The following CLSTN1 variants were observed in gnomAD, a reference collection of about 807,000 sequenced individuals.
CLSTN1 encodes the protein calsyntenin 1.
CLSTN1 carries 28 observed loss-of-function variants against 108.3 expected under a neutral mutation model. That is an observed-to-expected ratio of 0.26 (90% CI 0.19 to 0.35). CLSTN1 has a LOEUF of 0.35. Among genes scored for constraint, CLSTN1 ranks in the 10% least tolerant of loss-of-function variants. CLSTN1 has a pLI of 1.00. For synonymous variants in CLSTN1, 524 were observed against 534.9 expected, an observed-to-expected ratio of 0.98 and a Z score of 0.28; for missense variants, 1,157 against 1,302.6, an observed-to-expected ratio of 0.89 and a Z score of 1.72.
At chr1:9,765,412 G>A (rs965418139) in intron 2 of CLSTN1, among the ~76,000 whole-genome samples, 7 of 151,652 alleles carry the variant, frequency 4.6e-5, no homozygotes, top group Non-Finnish European at 1.0e-4. Context: ...GGCCTGGTGC[G>A]GTGGCTCAAT....
intron 10 of CLSTN1, 34 bp from the exon 11 acceptor site, chr1:9,737,588 G>A (rs1454981434): frequency 1.2e-6 from 2 of 1,600,082 alleles, no homozygotes; most frequent in African/African-American, 2.7e-5. Flanking sequence ...AATAGAAAAG[G>A]ACTGAGAGGT....
In CLSTN1 at chr1:9,812,836, G is replaced by A. The variant is rs554319684; in HGVS notation, c.91+10807C>T. Reference sequence around the variant, plus strand: ...GCATTGCAGCCTGGGCAACAAGACTGAAACTCTATCTCAAAAAAAAAAAAA... The same window carrying A: ...GCATTGCAGCCTGGGCAACAAGACTAAAACTCTATCTCAAAAAAAAAAAAA... On this transcript the variant is annotated intron_variant, in intron 1 of 18. Transcript: ENST00000377298. Among the ~76,000 whole-genome samples the A allele has an allele frequency of 2.9e-5, 4 of 136,102 alleles. No individual in the cohort carries two copies. The East Asian group carries it at 8.8e-4, about 30-fold the overall frequency. The allele number at this position is 136,102 out of a possible 152,430, so 89.3% of individuals were successfully genotyped here. A position where few individuals can be genotyped will look rare whatever the true frequency, so the allele number is the denominator to read the frequency against.
rs1263943926 is a variant in CLSTN1, at chr1:9,818,825, C to A, written c.91+4818G>T. ...TTTTTGAGACGGAGTCTCACTCTGT[C>A]GCCCAGGCTGGAGTGCAGTGGCGCG... On this transcript the variant is annotated intron_variant, in intron 1 of 18. Coordinates refer to ENST00000377298, the MANE Select transcript of CLSTN1 (RefSeq NM_001009566.3). 2.7e-5 allele frequency among the ~76,000 whole-genome samples: 3 copies of A among 110,798 alleles called. No individual in the cohort carries two copies. The South Asian group carries it at 8.8e-4, about 32-fold the overall frequency. 72.7% of individuals were successfully genotyped at this position (110,798 alleles called of 152,430 possible). A position where few individuals can be genotyped will look rare whatever the true frequency, so the allele number is the denominator to read the frequency against.
chr1:9,798,792 A>AT (rs1654126109), intron 1 of CLSTN1, among the ~76,000 whole-genome samples: 1 of 152,212 alleles, frequency 6.6e-6, no homozygotes, highest in South Asian at 2.1e-4. Context: ...ATCTGTCCTA[A>AT]TAACAAGTAA....
chr1:9,770,857 G>A (rs968748371), intron 2 of CLSTN1, among the ~76,000 whole-genome samples: 10 of 152,088 alleles, frequency 6.6e-5, no homozygotes, highest in African/African-American at 2.4e-4. Context: ...AGCAGGGCAT[G>A]GTGGCGGGCA....
rs973236649 is a variant in CLSTN1 at position 9,823,153 on chromosome 1, T to G, written c.91+490A>C. On this transcript the variant is annotated intron_variant, in intron 1 of 18. Coordinates refer to ENST00000377298, the MANE Select transcript of CLSTN1 (RefSeq NM_001009566.3). This position sits in a 1 kb window ranked among gnomAD's most constrained non-coding sequence, Gnocchi z 6.3. ...AAACGGGATGCGGAGGAGTGGGCTC[T>G]TATGTAAGCACACACCAAAACTGTG... Among the ~76,000 whole-genome samples the G allele has an allele frequency of 3.3e-5, 5 of 152,184 alleles. No individual in the cohort carries two copies. Among genetic ancestry groups the G allele is most frequent in the Admixed American group, 2.6e-4 (4 of 15,276 alleles).
intron 7 of CLSTN1, among the ~76,000 whole-genome samples, chr1:9,746,595 T>C (rs1262103301): frequency 6.6e-6 from 1 of 152,134 alleles, no homozygotes; most frequent in East Asian, 1.9e-4. Flanking sequence ...ATGCCTGTAA[T>C]CTCAGCTACT....
chr1:9,789,735 T>C (rs1653675273), intron 1 of CLSTN1, among the ~76,000 whole-genome samples: 1 of 151,506 alleles, frequency 6.6e-6, no homozygotes, highest in Non-Finnish European at 1.5e-5. Flanking sequence ...TCCCAGCACT[T>C]TGGGAGGCTA....
At chr1:9,767,964 A>C (rs1182123053) in intron 2 of CLSTN1, among the ~76,000 whole-genome samples, 2 of 152,206 alleles carry the variant, frequency 1.3e-5, no homozygotes, top group African/African-American at 2.4e-5. Context: ...ATGAATAAAG[A>C]AGCTAACATT....
At chr1:9,735,335 T>A in intron 13 of CLSTN1, 132 bp downstream of exon 13, 1 of 1,420,290 alleles carries the variant, frequency 7.0e-7, no homozygotes, top group South Asian at 1.2e-5. Flanking sequence ...ATCACTCAGC[T>A]CTCTGCCCCA....
rs769825379 is a variant in CLSTN1 at position 9,735,640 on chromosome 1, G to A, written c.1735-25C>T. The A allele has an allele frequency of 8.7e-6, 14 of 1,613,414 alleles. No individual in the cohort carries two copies. The African/African-American group carries it at 1.5e-4, about 17-fold the overall frequency. ...TCTGAAATCACACCAGCCACAGAGA[G>A]GAGAAGAATAAGCCAGTAACCGCAG... On this transcript the variant is annotated intron_variant, in intron 12 of 18. Transcript: ENST00000377298.
intron 1 of CLSTN1, among the ~76,000 whole-genome samples, chr1:9,795,167 CTT>C (rs147619742): frequency 1.1e-4 from 16 of 142,896 alleles, no homozygotes; most frequent in Admixed American, 1.4e-4. Flanking sequence ...CAAATATTAA[CTT>C]TTTTTTTTTT....
chr1:9,817,005 G>A (rs1297295715), intron 1 of CLSTN1, among the ~76,000 whole-genome samples: 2 of 152,188 alleles, frequency 1.3e-5, no homozygotes, highest in Admixed American at 1.3e-4. Context: ...AGGTAGGCTT[G>A]AAAAGTAGCA....
chr1:9,737,444 A>G, intron 11 of CLSTN1, 54 bp downstream of exon 11: 1 of 1,500,302 alleles, frequency 6.7e-7, no homozygotes, highest in Non-Finnish European at 9.3e-7. Flanking sequence ...GGAATGAATC[A>G]GTCTCATCTT....
chr1:9,774,697 G>C (rs1366296226), intron 1 of CLSTN1, among the ~76,000 whole-genome samples: 1 of 151,982 alleles, frequency 6.6e-6, no homozygotes, highest in Non-Finnish European at 1.5e-5. Context: ...CAGCCCCCGA[G>C]ACAGTGTTAC....
chr1:9,750,035 C>G, intron 5 of CLSTN1, 122 bp from the exon 6 acceptor site: 1 of 772,752 alleles, frequency 1.3e-6, no homozygotes, highest in Non-Finnish European at 2.1e-6. Context: ...CAGAAATAAA[C>G]ATATGCTTGG....
intron 1 of CLSTN1, among the ~76,000 whole-genome samples, chr1:9,782,628 G>GA (rs913197479): frequency 1.3e-5 from 2 of 152,238 alleles, no homozygotes; most frequent in Middle Eastern, 3.4e-3. Flanking sequence ...AAGTCAAGAT[G>GA]AAAAAAATAC....
At chr1:9,794,360 G>A (rs757489275) in intron 1 of CLSTN1, among the ~76,000 whole-genome samples, 3 of 151,486 alleles carry the variant, frequency 2.0e-5, no homozygotes, top group Non-Finnish European at 4.4e-5. Context: ...CCAGGCTGGA[G>A]TGCAGTCACG....
At chr1:9,743,724 G>GT (rs140596224) in intron 9 of CLSTN1, among the ~76,000 whole-genome samples, 160 bp downstream of exon 9, 7,971 of 143,318 alleles carry the variant, frequency 0.056, 533 homozygotes, top group African/African-American at 0.17. Flanking sequence ...ATTTTCGTGG[G>GT]TTTTTTTTTT....
Sources: gnomAD v4.1 joint callset for allele counts (sites outside exome capture counted in the v4.1 genomes callset) on GRCh38, gnomAD v4.1.1 for gene constraint, Gnocchi (gnomAD v3.1) non-coding constraint, MANE v1.5 for transcripts, NCBI Gene and HGNC (gene_info 2026-07-23, HGNC 2026-07-21) for gene names.